DNAH17: variants seen among roughly 807,000 people sequenced by gnomAD.
DNAH17 encodes the protein axonemal beta dynein heavy chain 17.
DNAH17 carries 376 observed loss-of-function variants against 485.6 expected under a neutral mutation model. The ratio of observed to expected loss-of-function variants is 0.77; its 90% CI spans 0.71 to 0.84. DNAH17 has a LOEUF of 0.84. DNAH17 is among the 40% of genes least tolerant of loss of function. DNAH17 has a pLI of 0.00. For synonymous variants in DNAH17, 3,031 were observed against 2,405.9 expected (o/e 1.26, Z -7.60); for missense variants, 6,370 against 5,839.3 (o/e 1.09, Z -2.96).
chr17:78,571,161 T>C (rs990042249), intron 5 of DNAH17, 118 bp downstream of exon 5: 3 of 1,282,018 alleles, frequency 2.3e-6, no homozygotes, highest in African/African-American at 3.0e-5. Context: ...TGGAGGGGGC[T>C]GAGAAAGCTG....
In DNAH17 at chr17:78,494,057, A is replaced by G. The variant is rs774541246; in HGVS notation, c.6387T>C (p.Asn2129=). 3.7e-6 allele frequency: 6 copies of G among 1,612,732 alleles called. No homozygotes were observed. The Admixed American group carries it at 5.0e-5, about 13-fold the overall frequency. Residue 2129 remains asparagine, a synonymous_variant, in exon 41 of 81, where the codon AAT becomes AAC. Coordinates refer to ENST00000389840, the MANE Select transcript of DNAH17 (RefSeq NM_173628.4). ...ACACCTGAGATTTGCCGCTGCCCGCATTCCCGACGATGAACACGGAGTGGC... is the reference window on the plus strand; with the variant it reads ...ACACCTGAGATTTGCCGCTGCCCGCGTTCCCGACGATGAACACGGAGTGGC... ...QVRHSVFIVG[N]AGSGKSQVLK... is the part of the protein sequence containing the mutation.
chr17:78,505,198 C>T (rs2090447741), intron 31 of DNAH17, 95 bp downstream of exon 31: 2 of 1,523,228 alleles, frequency 1.3e-6, no homozygotes, highest in Admixed American at 1.9e-5. Flanking sequence ...GCACAGGGTG[C>T]TGGTTCTCCG....
rs75286066 is a variant in DNAH17, at chr17:78,454,124, G to A, written c.10406+346C>T. Among the ~76,000 whole-genome samples the A allele has an allele frequency of 9.1e-4, 139 of 152,270 alleles. 1 individual carries two copies. In the East Asian group the frequency reaches 0.025, roughly 28 times the overall value. On this transcript the variant is annotated intron_variant, in intron 64 of 80. Coordinates refer to ENST00000389840, the MANE Select transcript of DNAH17 (RefSeq NM_173628.4). Reference sequence around the variant, plus strand: ...GCATCACTGTACCTGTGTCGTTATAGCCATTGTTTCTCAACTGTGATGAGA... The same window carrying A: ...GCATCACTGTACCTGTGTCGTTATAACCATTGTTTCTCAACTGTGATGAGA...
chr17:78,463,571 C>A (rs114417059), intron 56 of DNAH17, among the ~76,000 whole-genome samples: 133 of 152,326 alleles, frequency 8.7e-4, no homozygotes, highest in African/African-American at 3.2e-3. Context: ...TATACACATG[C>A]ACACACATTC....
chr17:78,513,548 G>A (rs997533259), intron 26 of DNAH17, among the ~76,000 whole-genome samples: 3 of 152,136 alleles, frequency 2.0e-5, no homozygotes, highest in Non-Finnish European at 4.4e-5. Context: ...CGATTCTCCT[G>A]CCTCAGCCAC....
At chr17:78,496,982 CT>C (rs1227880144) in intron 37 of DNAH17, 3 of 152,212 alleles carry the variant, frequency 2.0e-5, no homozygotes. Context: ...CCCAGATGGA[CT>C]TTTATCACTC....
chr17:78,480,592 T>C, intron 49 of DNAH17, 92 bp downstream of exon 49: 1 of 1,110,030 alleles, frequency 9.0e-7, no homozygotes, highest in Non-Finnish European at 1.3e-6. Context: ...CCTGCAGCCC[T>C]AACACCCTAA....
intron 55 of DNAH17, among the ~76,000 whole-genome samples, chr17:78,467,651 G>A (rs1022588765): frequency 2.6e-5 from 4 of 152,210 alleles, no homozygotes; most frequent in African/African-American, 9.7e-5. Context: ...GCAAAGGGCA[G>A]CACCACTGAA....
rs201708476 is a variant in DNAH17 at position 78,450,278 on chromosome 17, G to A, written c.11016C>T (p.Asn3672=). The change falls in exon 68 of 81, where the codon AAC becomes AAT. Residue 3672 remains asparagine, a synonymous_variant. Coordinates refer to ENST00000389840, the MANE Select transcript of DNAH17 (RefSeq NM_173628.4). The part of the protein sequence containing the change: ...YFILNDLNKI[N]PVYQFSLKAF... The stretch of plus-strand genomic sequence containing the variant: ...CCTTGAGGGAGAACTGGTAGACGGG[G>A]TTGATTTTGTTGAGATCGTTCAGTA... The A allele has an allele frequency of 1.0e-4, 166 of 1,613,858 alleles. 1 individual carries two copies. The highest frequency in any genetic ancestry group is 9.9e-4 in the Middle Eastern group (6 of 6,080).
In DNAH17 at chr17:78,484,095, C is replaced by CAAAAAAAA. The variant is rs11290299; in HGVS notation, c.7649+765_7649+772dup. Reference sequence around the variant, plus strand: ...TGAGAGACAGAGCGAGATTTCTCCTCAAAAAAAAAAAAAAAAAAAAAAAAA... The same window carrying CAAAAAAAA: ...TGAGAGACAGAGCGAGATTTCTCCTCAAAAAAAAAAAAAAAAAAAAAAAAAAAAAAAAA... On this transcript the variant is annotated intron_variant, in intron 48 of 80. Transcript: ENST00000389840. Among the ~76,000 whole-genome samples the CAAAAAAAA allele has an allele frequency of 3.6e-4, 14 of 38,400 alleles. 1 individual carries two copies. Among genetic ancestry groups the CAAAAAAAA allele is most frequent in the African/African-American group, 1.5e-3 (13 of 8,642 alleles). 25.2% of individuals were successfully genotyped at this position (38,400 alleles called of 152,430 possible).
At chr17:78,442,068 G>A (rs1470935597) in intron 71 of DNAH17, among the ~76,000 whole-genome samples, 1 of 138,790 alleles carries the variant, frequency 7.2e-6, no homozygotes, top group Non-Finnish European at 1.5e-5. Flanking sequence ...GGGCAAGAGA[G>A]CGAGACTCCA....
intron 80 of DNAH17, 185 bp downstream of exon 80, chr17:78,425,161 C>G (rs1568031381): frequency 3.3e-6 from 2 of 604,764 alleles, no homozygotes; most frequent in East Asian, 5.7e-5. Flanking sequence ...TCCCTGAATC[C>G]TCTCAACCCT....
intron 69 of DNAH17, among the ~76,000 whole-genome samples, chr17:78,446,940 G>A (rs976488792): frequency 3.9e-5 from 6 of 152,118 alleles, no homozygotes; most frequent in African/African-American, 4.8e-5. Context: ...CACTGTGCCC[G>A]GCCTTGTTGT....
chr17:78,477,933 TCAC>T (rs1441873095), intron 51 of DNAH17, among the ~76,000 whole-genome samples: 11 of 147,956 alleles, frequency 7.4e-5, no homozygotes, highest in Admixed American at 6.0e-4. Context: ...ACCACCATCA[TCAC>T]CACCATCACC....
Position 78,484,922 on chromosome 17 carries a change from T to C in DNAH17, c.7595A>G (p.Tyr2532Cys). The C allele has an allele frequency of 6.2e-7, 1 of 1,604,956 alleles. No homozygotes were observed. Among genetic ancestry groups the C allele is most frequent in the Non-Finnish European group, 8.5e-7 (1 of 1,175,436 alleles). Residue 2532 changes from tyrosine to cysteine, a missense_variant, in exon 48 of 81, where the codon TAT becomes TGT. Transcript: ENST00000389840. ...GAGGGTGTGCGGGGCCACCGTCCCATACTTGTCCACCTCGGGCATGTTCAT... is the reference window on the plus strand; with the variant it reads ...GAGGGTGTGCGGGGCCACCGTCCCACACTTGTCCACCTCGGGCATGTTCAT... ...DDMNMPEVDK[Y>C]GTVAPHTLIR... is the part of the protein sequence containing the mutation.
rs540480857 is a variant in DNAH17, at chr17:78,502,958, G to A, written c.5010C>T (p.His1670=). The A allele has an allele frequency of 3.3e-5, 54 of 1,613,882 alleles. 1 individual carries two copies. The highest frequency in any genetic ancestry group is 3.8e-5 in the Non-Finnish European group (45 of 1,179,888). ...AGGTCACCACGGCCTCTGGGATTTC[G>A]TGCCGGAGGGTAGAGCACATTCGGT... is the stretch of plus-strand genomic sequence containing the variant. ...VLDRMCSTLR[H]EIPEAVVTYE... is the part of the protein sequence containing the mutation. The change falls in exon 32 of 81, where the codon CAC becomes CAT. Residue 1670 remains histidine, a synonymous_variant. Coordinates refer to ENST00000389840, the MANE Select transcript of DNAH17 (RefSeq NM_173628.4).
intron 37 of DNAH17, chr17:78,498,795 A>G: frequency 2.4e-6 from 1 of 416,578 alleles, no homozygotes; most frequent in Non-Finnish European, 4.3e-6. Context: ...TTGCTACCAT[A>G]CATGTAACCT....
At position 78,510,515 on chromosome 17, in the gene DNAH17, A is replaced by C; in HGVS notation, c.4114-9T>G. Reference sequence around the variant, plus strand: ...GACATTTTAAATTTCACCTAAGGGAAAAAAATCCAGGCAGGATTCATTTCA... The same window carrying C: ...GACATTTTAAATTTCACCTAAGGGACAAAAATCCAGGCAGGATTCATTTCA... On this transcript the variant is annotated splice_polypyrimidine_tract_variant and intron_variant, in intron 26 of 80. Transcript: ENST00000389840. 1.2e-6 allele frequency: 2 copies of C among 1,613,638 alleles called. No homozygotes were observed. The highest frequency in any genetic ancestry group is 2.2e-5 in the South Asian group (2 of 91,072).
rs114231220 is a variant in DNAH17 at position 78,546,648 on chromosome 17, G to A, written c.2392-2651C>T. On this transcript the variant is annotated intron_variant, in intron 16 of 80. Transcript: ENST00000389840. ...CAGCTGGGCATGGTGATTCATGCCCGTAATCTCAGAACTTTGGCAGGCCAA... is the reference window on the plus strand; with the variant it reads ...CAGCTGGGCATGGTGATTCATGCCCATAATCTCAGAACTTTGGCAGGCCAA... Among the ~76,000 whole-genome samples, 970 of 152,280 alleles carry A rather than the reference G, an allele frequency of 6.4e-3. 8 individuals carry two copies. Among genetic ancestry groups the A allele is most frequent in the African/African-American group, 0.022 (907 of 41,546 alleles).
Sources: allele counts gnomAD v4.1 joint callset (sites outside exome capture counted in the v4.1 genomes callset), GRCh38; gene constraint gnomAD v4.1.1; transcripts MANE v1.5; gene names NCBI Gene and HGNC (gene_info 2026-07-23, HGNC 2026-07-21).